Variants in FIGN observed in about 807,000 individuals in gnomAD.
The protein encoded by FIGN is fidgetin, microtubule severing factor, also known as fidgetin.
FIGN carries 11 observed loss-of-function variants against 51.3 expected under a neutral mutation model. The observed-to-expected ratio is 0.21, with a 90% CI of 0.13 to 0.35. FIGN has a LOEUF of 0.35. FIGN is among the 10% of genes least tolerant of loss of function. FIGN has a pLI of 1.00. For missense variants in FIGN, 857 were observed against 943.6 expected (o/e 0.91, Z 1.20); for synonymous variants, 407 against 363.2 (o/e 1.12, Z -1.37).
rs1691193341 is a variant in FIGN, at chr2:163,609,818, A to G, written c.2014T>C (p.Cys672Arg). Reference protein sequence around the residue: ...IVQLLSQHNYCLNDKEFALLV... With the variant: ...IVQLLSQHNYRLNDKEFALLV... ...AGTGCAAACTCCTTGTCATTGAGACAGTAATTGTGCTGTGAGAGCAGTTGT... is the reference window on the plus strand; with the variant it reads ...AGTGCAAACTCCTTGTCATTGAGACGGTAATTGTGCTGTGAGAGCAGTTGT... Residue 672 changes from cysteine to arginine, a missense_variant, in exon 3 of 3, where the codon TGT becomes CGT. Around this residue, in one of 3 missense-constraint regions of FIGN, gnomAD observed 799 missense variants for 849.5 expected, o/e 0.94. Coordinates refer to ENST00000333129, the MANE Select transcript of FIGN (RefSeq NM_018086.4). 1 of 1,614,046 alleles carries G rather than the reference A, an allele frequency of 6.2e-7. No individual in the cohort carries two copies. Among genetic ancestry groups the G allele is most frequent in the Admixed American group, 1.7e-5 (1 of 60,000 alleles).
At chr2:163,632,530 G>T (rs893838077) in intron 2 of FIGN, among the ~76,000 whole-genome samples, 2 of 152,230 alleles carry the variant, frequency 1.3e-5, no homozygotes, top group Non-Finnish European at 2.9e-5. Flanking sequence ...AACCTGCGGG[G>T]AGAGACCTGG....
At chr2:163,725,757 G>A (rs2105365949) in intron 2 of FIGN, among the ~76,000 whole-genome samples, 1 of 152,162 alleles carries the variant, frequency 6.6e-6, no homozygotes, top group South Asian at 2.1e-4. Flanking sequence ...TTATTGCACT[G>A]TATATGCTCA....
At chr2:163,697,106 T>C (rs1278095227) in intron 2 of FIGN, among the ~76,000 whole-genome samples, 16 of 145,274 alleles carry the variant, frequency 1.1e-4, no homozygotes, top group East Asian at 8.0e-4. Context: ...TTTTCTTTCT[T>C]TTTTTTTTTT....
At position 163,718,933 on chromosome 2, in the gene FIGN, C is replaced by T. The variant is rs544393425; in HGVS notation, c.25+15970G>A. 1.8e-3 allele frequency among the ~76,000 whole-genome samples: 273 copies of T among 152,106 alleles called. 1 individual carries two copies. Among genetic ancestry groups the T allele is most frequent in the African/African-American group, 6.4e-3 (264 of 41,486 alleles). On this transcript the variant is annotated intron_variant, in intron 2 of 2. Coordinates refer to ENST00000333129, the MANE Select transcript of FIGN (RefSeq NM_018086.4). ...GTCCATTTGAATAAATTCTTTGTAA[C>T]AGCTTACTTCTGTCTATTTCATTAT...
At position 163,657,500 on chromosome 2, in the gene FIGN, C is replaced by CTGTGTGTG. The variant is rs72033079; in HGVS notation, c.26-45702_26-45695dup. On this transcript the variant is annotated intron_variant, in intron 2 of 2. Coordinates refer to ENST00000333129, the MANE Select transcript of FIGN (RefSeq NM_018086.4). ...CAAACATCAGAATGTCAGAGGGAGT[C>CTGTGTGTG]TGTGTGTGTGTGTGTGTGTGTGTGT... 7.4e-3 allele frequency among the ~76,000 whole-genome samples: 1,091 copies of CTGTGTGTG among 147,520 alleles called. 7 individuals carry two copies. Among genetic ancestry groups the CTGTGTGTG allele is most frequent in the East Asian group, 0.016 (81 of 4,914 alleles).
At chr2:163,617,141 C>A in intron 2 of FIGN, 1 of 985,182 alleles carries the variant, frequency 1.0e-6, no homozygotes, top group Non-Finnish European at 1.2e-6. Context: ...TTTCTTCAGC[C>A]CATTCCCCGA....
intron 2 of FIGN, among the ~76,000 whole-genome samples, chr2:163,708,436 A>T (rs1339049266): frequency 6.6e-6 from 1 of 152,194 alleles, no homozygotes; most frequent in African/African-American, 2.4e-5. Context: ...GGAGGAGGTC[A>T]TTTCACAAGT....
chr2:163,677,633 T>C (rs1054328512), intron 2 of FIGN, among the ~76,000 whole-genome samples: 7 of 152,266 alleles, frequency 4.6e-5, no homozygotes, highest in Admixed American at 1.3e-4. Flanking sequence ...TATTCTGATA[T>C]TAAAATAACT....
At chr2:163,702,186 C>T (rs1477612368) in intron 2 of FIGN, among the ~76,000 whole-genome samples, 1 of 152,116 alleles carries the variant, frequency 6.6e-6, no homozygotes, top group Non-Finnish European at 1.5e-5. Flanking sequence ...TCACTAAATA[C>T]TGGCCCCTTC....
intron 2 of FIGN, among the ~76,000 whole-genome samples, chr2:163,682,690 C>A (rs901646659): frequency 6.6e-6 from 1 of 152,184 alleles, no homozygotes; most frequent in Admixed American, 6.5e-5. Flanking sequence ...ATTCTTGTTA[C>A]AGTAACAATG....
chr2:163,637,594 T>A (rs981123433), intron 2 of FIGN, among the ~76,000 whole-genome samples: 3 of 151,980 alleles, frequency 2.0e-5, no homozygotes, highest in African/African-American at 7.3e-5. Flanking sequence ...GATCTGGGAA[T>A]GTCAACAATT....
At chr2:163,727,564 C>T (rs1166427711) in intron 2 of FIGN, among the ~76,000 whole-genome samples, 1 of 152,004 alleles carries the variant, frequency 6.6e-6, no homozygotes, top group African/African-American at 2.4e-5. Flanking sequence ...GCATTTCTCC[C>T]GACAAAGTCT....
At chr2:163,733,387 C>A (rs1034035412) in intron 2 of FIGN, among the ~76,000 whole-genome samples, 1 of 152,098 alleles carries the variant, frequency 6.6e-6, no homozygotes, top group East Asian at 1.9e-4. Flanking sequence ...ACAGTCAAAC[C>A]ATCCAATTTC....
At chr2:163,639,367 G>A (rs1683273290) in intron 2 of FIGN, among the ~76,000 whole-genome samples, 1 of 152,106 alleles carries the variant, frequency 6.6e-6, no homozygotes, top group South Asian at 2.1e-4. Context: ...CTTCTCTGAT[G>A]CATAGGTTGC....
At chr2:163,648,958 T>C (rs972902229) in intron 2 of FIGN, among the ~76,000 whole-genome samples, 3 of 152,186 alleles carry the variant, frequency 2.0e-5, no homozygotes, top group East Asian at 1.9e-4. Flanking sequence ...ACCAAATTGG[T>C]ACACTTTAAT....
At chr2:163,660,674 T>C (rs1001411009) in intron 2 of FIGN, among the ~76,000 whole-genome samples, 1 of 133,600 alleles carries the variant, frequency 7.5e-6, no homozygotes, top group African/African-American at 2.7e-5. Context: ...CATATACATA[T>C]ATATATATAT....
In FIGN at chr2:163,611,818, G is replaced by A; in HGVS notation, c.26-12C>T. 6.3e-7 allele frequency: 1 copy of A among 1,582,964 alleles called. No individual in the cohort carries two copies. The highest frequency in any genetic ancestry group is 1.1e-5 in the South Asian group (1 of 88,862). ...CTGCATCTTCAAGCCTAAGAATTTT[G>A]GGGGGAAAAGAGTTAATTTACTTAA... On this transcript the variant is annotated splice_polypyrimidine_tract_variant and intron_variant, in intron 2 of 2. Transcript: ENST00000333129.
intron 2 of FIGN, among the ~76,000 whole-genome samples, chr2:163,687,119 T>A (rs192885146): frequency 3.9e-5 from 6 of 152,300 alleles, no homozygotes; most frequent in Admixed American, 3.9e-4. Flanking sequence ...CTCAGAGGCA[T>A]TTGGAAGAGT....
chr2:163,730,020 C>G (rs982922244), intron 2 of FIGN, among the ~76,000 whole-genome samples: 2 of 152,206 alleles, frequency 1.3e-5, no homozygotes, highest in Admixed American at 6.5e-5. Flanking sequence ...TCCTCAGTAT[C>G]TTAGCTAAGA....
Sources: gnomAD v4.1 joint callset for allele counts (sites outside exome capture counted in the v4.1 genomes callset) on GRCh38, gnomAD v4.1.1 for gene constraint, gnomAD v4.1.1 regional missense constraint, MANE v1.5 for transcripts, NCBI Gene and HGNC (gene_info 2026-07-23, HGNC 2026-07-21) for gene names.